The following SEPTIN9 variants were observed in gnomAD, a reference collection of about 807,000 sequenced individuals.
SEPTIN9 encodes septin 9.
A neutral mutation model predicts 56.6 loss-of-function variants in SEPTIN9; 13 were observed. The observed-to-expected ratio is 0.23, with a 90% CI of 0.15 to 0.37. The LOEUF is 0.37. Among genes scored for constraint, SEPTIN9 ranks in the 10% least tolerant of loss-of-function variants. The pLI is 1.00. For synonymous variants in SEPTIN9, 332 were observed against 334.1 expected (o/e 0.99, Z 0.07); for missense variants, 650 against 823.1 (o/e 0.79, Z 2.57).
intron 3 of SEPTIN9, among the ~76,000 whole-genome samples, chr17:77,463,528 T>A (rs963897149): frequency 6.6e-6 from 1 of 152,106 alleles, no homozygotes; most frequent in African/African-American, 2.4e-5. Flanking sequence ...TTTTTAGTAG[T>A]GGTATTTCCT....
At chr17:77,381,867 G>C (rs540141900) in intron 2 of SEPTIN9, among the ~76,000 whole-genome samples, 1 of 152,306 alleles carries the variant, frequency 6.6e-6, no homozygotes, top group African/African-American at 2.4e-5. Flanking sequence ...GGCCAGCTCT[G>C]TTCTAGGCAC....
At chr17:77,404,972 A>C (rs2036015015) in intron 3 of SEPTIN9, 1 of 1,009,354 alleles carries the variant, frequency 9.9e-7, no homozygotes, top group Non-Finnish European at 1.4e-6. Context: ...CTGTTGGTGC[A>C]GGACCTTTGT....
Position 77,284,786 on chromosome 17 carries a change from C to T in SEPTIN9, c.19+3232C>T, listed in dbSNP as rs547779432. ...CTGGGATTGTAGGAACGTGCCACTG[C>T]GCCCAGCTAATTTTTATATTTTTAC... On this transcript the variant is annotated intron_variant, in intron 1 of 11. Transcript: ENST00000427177. Among the ~76,000 whole-genome samples the T allele has an allele frequency of 7.9e-5, 12 of 152,186 alleles. No homozygotes were observed. The South Asian group carries it at 1.7e-3, about 21-fold the overall frequency.
intron 2 of SEPTIN9, chr17:77,373,276 A>G (rs1263849626): frequency 1.2e-5 from 13 of 1,123,578 alleles, no homozygotes; most frequent in African/African-American, 8.4e-5. Context: ...TCCGCCCGGG[A>G]GGCGGGGGCG....
chr17:77,336,108 A>G (rs1011134599), intron 2 of SEPTIN9, among the ~76,000 whole-genome samples: 1 of 152,092 alleles, frequency 6.6e-6, no homozygotes, highest in African/African-American at 2.4e-5. Context: ...TGTTTTCTTG[A>G]TATTTTGTCC....
chr17:77,417,854 A>G (rs2036557973), intron 3 of SEPTIN9, among the ~76,000 whole-genome samples: 1 of 152,136 alleles, frequency 6.6e-6, no homozygotes, highest in Non-Finnish European at 1.5e-5. Flanking sequence ...GGTTCCAGGA[A>G]CCCAGCCTTG....
chr17:77,370,712 C>T (rs902934700), intron 2 of SEPTIN9, among the ~76,000 whole-genome samples: 5 of 152,316 alleles, frequency 3.3e-5, no homozygotes, highest in African/African-American at 4.8e-5. Context: ...CTGCTGCCGG[C>T]GTGCATCTTC....
intron 11 of SEPTIN9, 97 bp from the exon 12 acceptor site, chr17:77,498,426 G>A (rs1004320978): frequency 1.4e-5 from 10 of 734,978 alleles, no homozygotes; most frequent in African/African-American, 7.0e-5. Context: ...GGGGGCAGGC[G>A]GGCCTGAGTC....
At chr17:77,295,582 T>G (rs2031773442) in intron 1 of SEPTIN9, among the ~76,000 whole-genome samples, 1 of 152,098 alleles carries the variant, frequency 6.6e-6, no homozygotes, top group Non-Finnish European at 1.5e-5. Flanking sequence ...CCTGGACACC[T>G]GAGCCAGCAG....
At chr17:77,321,356 T>C (rs2032914596) in intron 2 of SEPTIN9, among the ~76,000 whole-genome samples, 1 of 151,138 alleles carries the variant, frequency 6.6e-6, no homozygotes, top group Non-Finnish European at 1.5e-5. Flanking sequence ...GGCTCCTCTC[T>C]AGGACGTGTG....
rs2039239218 is a variant in SEPTIN9, at chr17:77,476,986, A to G, written c.722-5158A>G. ...GAACGTGCAGGTTTGTTACATAGGA[A>G]TACAAGTGCCATAGTGGTTTGCTGC... On this transcript the variant is annotated intron_variant, in intron 3 of 11. Coordinates refer to ENST00000427177, the MANE Select transcript of SEPTIN9 (RefSeq NM_001113491.2). The surrounding 1 kb of genome is among the most constrained non-coding windows in gnomAD (Gnocchi z 6.0). 6.6e-6 allele frequency among the ~76,000 whole-genome samples: 1 copy of G among 152,188 alleles called. No individual in the cohort carries two copies. The highest frequency in any genetic ancestry group is 1.5e-5 in the Non-Finnish European group (1 of 68,036).
At chr17:77,300,686 G>A (rs78614029) in intron 1 of SEPTIN9, among the ~76,000 whole-genome samples, 5,598 of 142,000 alleles carry the variant, frequency 0.039, 150 homozygotes, top group Middle Eastern at 0.063. Context: ...CATCCTGGAC[G>A]CCCCCACCCC....
intron 3 of SEPTIN9, among the ~76,000 whole-genome samples, chr17:77,468,268 A>AAAAAC (rs369979662): frequency 2.0e-4 from 30 of 152,176 alleles, no homozygotes; most frequent in East Asian, 1.4e-3. Context: ...CCATCTCAAA[A>AAAAAC]AAAACAAAAC....
intron 1 of SEPTIN9, among the ~76,000 whole-genome samples, chr17:77,302,537 G>A (rs1181312477): frequency 7.5e-6 from 1 of 132,790 alleles, no homozygotes; most frequent in South Asian, 2.3e-4. Context: ...AATTAGCCGG[G>A]CGTGGTAGTG....
rs138873422 is a variant in SEPTIN9, at chr17:77,453,408, C to T, written c.722-28736C>T. On this transcript the variant is annotated intron_variant, in intron 3 of 11. Coordinates refer to ENST00000427177, the MANE Select transcript of SEPTIN9 (RefSeq NM_001113491.2). The surrounding 1 kb of genome is among the most constrained non-coding windows in gnomAD (Gnocchi z 4.4). ...ATCACCTGAGGTCAAGAGTTCGAGACCAGCCTGGCCAACATGGTGAAACCC... is the reference window on the plus strand; with the variant it reads ...ATCACCTGAGGTCAAGAGTTCGAGATCAGCCTGGCCAACATGGTGAAACCC... Among the ~76,000 whole-genome samples the T allele has an allele frequency of 9.8e-4, 149 of 152,218 alleles. 1 individual carries two copies. Among genetic ancestry groups the T allele is most frequent in the Non-Finnish European group, 2.0e-3 (133 of 68,018 alleles).
At chr17:77,297,551 G>A (rs911735359) in intron 1 of SEPTIN9, among the ~76,000 whole-genome samples, 1 of 152,212 alleles carries the variant, frequency 6.6e-6, no homozygotes, top group Non-Finnish European at 1.5e-5. Context: ...AAGAATCGTG[G>A]TTGCATGGTG....
chr17:77,282,133 G>A (rs1045228570), intron 1 of SEPTIN9, among the ~76,000 whole-genome samples: 1 of 152,226 alleles, frequency 6.6e-6, no homozygotes, highest in African/African-American at 2.4e-5. Context: ...GCCTTAAGTA[G>A]GCGAAGGGGG....
intron 3 of SEPTIN9, among the ~76,000 whole-genome samples, chr17:77,443,507 G>T (rs761172388): frequency 6.6e-6 from 1 of 152,064 alleles, no homozygotes; most frequent in Non-Finnish European, 1.5e-5. Context: ...AAAAAGGCAT[G>T]TTGGGCTGGG....
rs1198438911 is a variant in SEPTIN9, at chr17:77,389,249, G to A, written c.77-12810G>A. ...AAGAGTCTGCTGTTGTTGGAGGGTC[G>A]GAAGTAGAGGGGAAGGAGGGGCACG... is the stretch of plus-strand genomic sequence containing the variant. On this transcript the variant is annotated intron_variant, in intron 2 of 11. Coordinates refer to ENST00000427177, the MANE Select transcript of SEPTIN9 (RefSeq NM_001113491.2). This position sits in a 1 kb window ranked among gnomAD's most constrained non-coding sequence, Gnocchi z 4.3. Among the ~76,000 whole-genome samples, 3 of 152,142 alleles carry A rather than the reference G, an allele frequency of 2.0e-5. No individual in the cohort carries two copies. The highest frequency in any genetic ancestry group is 4.4e-5 in the Non-Finnish European group (3 of 68,010).
Sources: allele counts gnomAD v4.1 joint callset (sites outside exome capture counted in the v4.1 genomes callset), GRCh38; gene constraint gnomAD v4.1.1; non-coding constraint Gnocchi (gnomAD v3.1); transcripts MANE v1.5; gene names NCBI Gene and HGNC (gene_info 2026-07-23, HGNC 2026-07-21).